DOCK1: variants seen among roughly 807,000 people sequenced by gnomAD.
The protein encoded by DOCK1 is dedicator of cytokinesis protein 1.
A neutral mutation model predicts 262.7 loss-of-function variants in DOCK1; 138 were observed. That is an observed-to-expected ratio of 0.53 (90% confidence interval 0.46 to 0.61). DOCK1 has a LOEUF of 0.61. DOCK1 is among the 20% of genes least tolerant of loss of function. DOCK1 has a pLI of 0.00. For synonymous variants in DOCK1, 866 were observed against 867.4 expected (o/e 1.00, Z 0.03); for missense variants, 1,908 against 2,370.7 (o/e 0.80, Z 4.05).
rs1168737688 is a variant in DOCK1, at chr10:126,941,755, A to C, written c.47-28947A>C. Among the ~76,000 whole-genome samples the C allele has an allele frequency of 1.3e-4, 19 of 146,686 alleles. No homozygotes were observed. In the East Asian group the frequency reaches 3.7e-3, roughly 28 times the overall value. ...GGGCGACAGTGCGAGACTCCATCTCAAAACAGACAAAACAAAACAAAACAA... is the reference window on the plus strand; with the variant it reads ...GGGCGACAGTGCGAGACTCCATCTCCAAACAGACAAAACAAAACAAAACAA... On this transcript the variant is annotated intron_variant, in intron 1 of 51. Transcript: ENST00000623213.
chr10:127,363,995 G>C (rs79785945), intron 33 of DOCK1, among the ~76,000 whole-genome samples: 7,342 of 152,278 alleles, frequency 0.048, 519 homozygotes, highest in African/African-American at 0.16. Context: ...AATCAGACCT[G>C]TACAATCCCT....
chr10:127,278,195 AG>A (rs1340755337), intron 29 of DOCK1, among the ~76,000 whole-genome samples: 1 of 152,136 alleles, frequency 6.6e-6, no homozygotes, highest in African/African-American at 2.4e-5. Flanking sequence ...GTCCAGTGTA[AG>A]CAAATTTGCA....
At chr10:127,207,918 C>G (rs1167130042) in intron 27 of DOCK1, among the ~76,000 whole-genome samples, 1 of 152,264 alleles carries the variant, frequency 6.6e-6, no homozygotes, top group East Asian at 1.9e-4. Flanking sequence ...CATATGTAGA[C>G]CCAAATTTTA....
At chr10:127,331,098 G>C (rs1488047782) in intron 29 of DOCK1, among the ~76,000 whole-genome samples, 2 of 152,148 alleles carry the variant, frequency 1.3e-5, no homozygotes, top group African/African-American at 4.8e-5. Context: ...TCAGACAAGT[G>C]GCTAAAGGTG....
At chr10:127,303,181 C>G (rs1374747433) in intron 29 of DOCK1, among the ~76,000 whole-genome samples, 1 of 152,166 alleles carries the variant, frequency 6.6e-6, no homozygotes, top group Non-Finnish European at 1.5e-5. Context: ...TTATAGCCAA[C>G]AACCTGGGTG....
At chr10:127,114,863 T>C (rs946008778) in intron 25 of DOCK1, among the ~76,000 whole-genome samples, 6 of 151,710 alleles carry the variant, frequency 4.0e-5, no homozygotes, top group Non-Finnish European at 7.4e-5. Context: ...TTCAATCGAT[T>C]CTCCTGCCTC....
chr10:127,396,812 G>GTAGTT (rs1384967327), intron 38 of DOCK1, among the ~76,000 whole-genome samples: 1 of 152,008 alleles, frequency 6.6e-6, no homozygotes, highest in East Asian at 1.9e-4. Flanking sequence ...AGCTCAGTGA[G>GTAGTT]TAGTTTTCTG....
intron 38 of DOCK1, among the ~76,000 whole-genome samples, chr10:127,400,510 G>A (rs1010703841): frequency 7.2e-5 from 11 of 152,158 alleles, no homozygotes; most frequent in Admixed American, 3.9e-4. Flanking sequence ...CAGGAGCAAG[G>A]ACTTTCAAAA....
At chr10:126,997,902 C>A (rs2040324477) in intron 7 of DOCK1, 190 bp from the exon 8 acceptor site, 2 of 673,374 alleles carry the variant, frequency 3.0e-6, no homozygotes, top group East Asian at 2.8e-5. Flanking sequence ...GCACAGGATA[C>A]AATTTTTTGT....
At chr10:126,996,066 G>A (rs1017686617) in intron 6 of DOCK1, among the ~76,000 whole-genome samples, 5 of 151,590 alleles carry the variant, frequency 3.3e-5, no homozygotes, top group African/African-American at 9.7e-5. Context: ...ATATGTGAAT[G>A]TGTGTGTGTG....
chr10:127,018,711 T>A lies in DOCK1; in HGVS notation c.1203T>A (p.Gly401=). 6.2e-7 allele frequency: 1 copy of A among 1,614,020 alleles called. No homozygotes were observed. The change falls in exon 13 of 52, where the codon GGT becomes GGA. Residue 401 remains glycine, a splice_region_variant and synonymous_variant. Transcript: ENST00000623213. ...TAAGAGCATCCATTGTTTTTCCAGGTTTGTGGGTAACATTGAAATTACTTC... is the reference window on the plus strand; with the variant it reads ...TAAGAGCATCCATTGTTTTTCCAGGATTGTGGGTAACATTGAAATTACTTC... The part of the protein sequence containing the change: ...AAKEVNHKGQ[G]LWVTLKLLPG...
chr10:127,202,709 A>T (rs1295410563), intron 27 of DOCK1, among the ~76,000 whole-genome samples: 1 of 152,160 alleles, frequency 6.6e-6, no homozygotes, highest in Non-Finnish European at 1.5e-5. Flanking sequence ...GGTGGCAGGT[A>T]CTCGGTCCAT....
At chr10:127,186,515 GCCCCC>G in intron 27 of DOCK1, among the ~76,000 whole-genome samples, 1 of 12,634 alleles carries the variant, frequency 7.9e-5, no homozygotes, top group Non-Finnish European at 2.9e-4. Context: ...CCGCCCCCCC[GCCCCC>G]CCCCGATCCA....
intron 1 of DOCK1, among the ~76,000 whole-genome samples, chr10:126,963,886 C>A (rs2037469934): frequency 6.6e-6 from 1 of 152,012 alleles, no homozygotes; most frequent in Admixed American, 6.6e-5. Flanking sequence ...GCATTTGCCC[C>A]CAGACAAAAG....
intron 27 of DOCK1, among the ~76,000 whole-genome samples, chr10:127,233,311 G>A (rs765706863): frequency 5.9e-5 from 9 of 152,082 alleles, no homozygotes; most frequent in African/African-American, 9.7e-5. Flanking sequence ...CATTATGTCC[G>A]TATAAACATA....
At chr10:127,346,334 C>A (rs1356430572) in intron 31 of DOCK1, among the ~76,000 whole-genome samples, 2 of 152,196 alleles carry the variant, frequency 1.3e-5, no homozygotes, top group Non-Finnish European at 2.9e-5. Context: ...GTGGCTCATA[C>A]CTGTAATCCC....
At chr10:127,077,200 A>T (rs561979142) in intron 23 of DOCK1, among the ~76,000 whole-genome samples, 1 of 152,012 alleles carries the variant, frequency 6.6e-6, no homozygotes, top group South Asian at 2.1e-4. Flanking sequence ...TTTGAGACCA[A>T]CCTGGCCAAC....
chr10:127,387,899 A>G (rs1362337583), intron 38 of DOCK1, among the ~76,000 whole-genome samples: 1 of 150,354 alleles, frequency 6.7e-6, no homozygotes, highest in African/African-American at 2.5e-5. Context: ...ATCTTTTCCT[A>G]CATTGTGATA....
At chr10:127,233,512 C>G (rs1404419862) in intron 27 of DOCK1, among the ~76,000 whole-genome samples, 2 of 152,062 alleles carry the variant, frequency 1.3e-5, no homozygotes, top group African/African-American at 4.8e-5. Flanking sequence ...GTATACTTGC[C>G]AAGTGCATAA....
Sources: allele counts gnomAD v4.1 joint callset (sites outside exome capture counted in the v4.1 genomes callset), GRCh38; gene constraint gnomAD v4.1.1; transcripts MANE v1.5; gene names NCBI Gene and HGNC (gene_info 2026-07-23, HGNC 2026-07-21).